NCK2: variants seen among roughly 807,000 people sequenced by gnomAD.
NCK2 encodes NCK adaptor protein 2, also known as cytoplasmic protein NCK2.
Under a neutral mutation model 33.9 loss-of-function variants are expected in NCK2, and 16 were observed. That is an observed-to-expected ratio of 0.47 (90% CI 0.32 to 0.72). The LOEUF is 0.72. Ranked by LOEUF, NCK2 falls within the 30% of genes least tolerant of loss-of-function variation. The pLI, the probability that NCK2 is intolerant of heterozygous loss-of-function variation, is 0.03. For missense variants in NCK2, 418 were observed against 537.3 expected, an observed-to-expected ratio of 0.78 and a Z score of 2.19; for synonymous variants, 273 against 239.9, an observed-to-expected ratio of 1.14 and a Z score of -1.27.
chr2:105,839,722 G>A (rs1676564904), intron 2 of NCK2, among the ~76,000 whole-genome samples: 1 of 152,176 alleles, frequency 6.6e-6, no homozygotes, highest in African/African-American at 2.4e-5. Flanking sequence ...TGGCATTTGG[G>A]GATAGAGCAG....
intron 1 of NCK2, among the ~76,000 whole-genome samples, chr2:105,763,477 G>T (rs994508650): frequency 2.0e-5 from 3 of 152,110 alleles, no homozygotes; most frequent in Non-Finnish European, 4.4e-5. Context: ...AATATAGAAA[G>T]AATTTTATTT....
chr2:105,810,945 G>T (rs1001253450), intron 1 of NCK2, among the ~76,000 whole-genome samples: 2 of 152,126 alleles, frequency 1.3e-5, no homozygotes, highest in African/African-American at 4.8e-5. Flanking sequence ...GGAGGCCCAG[G>T]TGGGCGGATC....
chr2:105,848,267 A>G (rs1467556299), intron 2 of NCK2, among the ~76,000 whole-genome samples: 5 of 152,262 alleles, frequency 3.3e-5, no homozygotes, highest in African/African-American at 9.6e-5. Context: ...CCTTCCCCCA[A>G]AGTCACCCAG....
In NCK2 at chr2:105,855,171, G is replaced by C. The variant is rs1371960767; in HGVS notation, c.108G>C (p.Lys36Asn). ...NERLWLLDDS[K>N]TWWRVRNAAN... ...GGCTGTGGTTGCTGGACGACTCCAAGACGTGGTGGCGGGTGAGGAACGCGG... is the reference window on the plus strand; with the variant it reads ...GGCTGTGGTTGCTGGACGACTCCAACACGTGGTGGCGGGTGAGGAACGCGG... The change falls in exon 3 of 5, where the codon AAG (lysine) becomes AAC (asparagine). Residue 36 changes from lysine (K) to asparagine (N), a missense_variant. By Grantham distance (94) the Lys-to-Asn change is moderately conservative. Coordinates refer to ENST00000233154, the MANE Select transcript of NCK2 (RefSeq NM_003581.5). The C allele has an allele frequency of 1.2e-6, 2 of 1,614,092 alleles. No individual in the cohort carries two copies. The highest frequency in any genetic ancestry group is 2.2e-5 in the East Asian group (1 of 44,894).
chr2:105,817,728 G>GAT (rs1052474788), intron 2 of NCK2, among the ~76,000 whole-genome samples: 59 of 152,240 alleles, frequency 3.9e-4, no homozygotes, highest in African/African-American at 1.4e-3. Context: ...ACCACAATGA[G>GAT]ATACCATCTC....
chr2:105,881,065 G>A (rs1247045438), intron 3 of NCK2, among the ~76,000 whole-genome samples: 4 of 151,592 alleles, frequency 2.6e-5, no homozygotes, highest in Non-Finnish European at 5.9e-5. Context: ...GATTCCAGGC[G>A]TGAGCCACTG....
chr2:105,868,866 C>T (rs542993274), intron 3 of NCK2, among the ~76,000 whole-genome samples: 4 of 152,338 alleles, frequency 2.6e-5, no homozygotes, highest in East Asian at 1.9e-4. Context: ...GGCAGCCAAG[C>T]GACTTGGCCA....
chr2:105,801,418 CTT>C (rs79973949), intron 1 of NCK2, among the ~76,000 whole-genome samples: 3 of 145,434 alleles, frequency 2.1e-5, no homozygotes, highest in African/African-American at 5.0e-5. Context: ...GTGCTTTTTT[CTT>C]TTTTTTTTTT....
intron 3 of NCK2, among the ~76,000 whole-genome samples, chr2:105,864,622 T>A: frequency 6.6e-6 from 1 of 152,070 alleles, no homozygotes; most frequent in East Asian, 1.9e-4. Context: ...AATTTTCATT[T>A]TCAGATGTGT....
At chr2:105,863,613 G>T (rs1223854557) in intron 3 of NCK2, among the ~76,000 whole-genome samples, 2 of 152,068 alleles carry the variant, frequency 1.3e-5, no homozygotes, top group African/African-American at 4.8e-5. Context: ...AATATAATCG[G>T]GAAAATAATA....
chr2:105,879,078 T>C (rs1293790289), intron 3 of NCK2, among the ~76,000 whole-genome samples: 1 of 152,242 alleles, frequency 6.6e-6, no homozygotes, highest in Non-Finnish European at 1.5e-5. Context: ...CAAATGTCTT[T>C]TTTGCTGATC....
intron 3 of NCK2, among the ~76,000 whole-genome samples, chr2:105,876,563 T>A (rs1256862304): frequency 6.6e-6 from 1 of 152,236 alleles, no homozygotes; most frequent in Non-Finnish European, 1.5e-5. Context: ...TCTGGTTGGC[T>A]ATGGTTTCAT....
rs572948025 is a variant in NCK2 at position 105,765,791 on chromosome 2, G to A, written c.-201+20653G>A. Among the ~76,000 whole-genome samples the A allele has an allele frequency of 1.2e-4, 18 of 148,680 alleles. No homozygotes were observed. In the East Asian group the frequency reaches 3.3e-3, roughly 27 times the overall value. On this transcript the variant is annotated intron_variant, in intron 1 of 4. Coordinates refer to ENST00000233154, the MANE Select transcript of NCK2 (RefSeq NM_003581.5). ...AGATACAGCTTAGAATAGGGGGTGTGTGTGTGTGTGTGTGTGTGTGTGTGT... is the reference window on the plus strand; with the variant it reads ...AGATACAGCTTAGAATAGGGGGTGTATGTGTGTGTGTGTGTGTGTGTGTGT...
At chr2:105,835,112 G>C (rs961407724) in intron 2 of NCK2, among the ~76,000 whole-genome samples, 6 of 151,722 alleles carry the variant, frequency 4.0e-5, no homozygotes, top group Admixed American at 3.9e-4. Context: ...GTTTTCTTCA[G>C]TGGTAATATT....
rs115510359 is a variant in NCK2 at position 105,789,482 on chromosome 2, C to T, written c.-200-26948C>T. On this transcript the variant is annotated intron_variant, in intron 1 of 4. Coordinates refer to ENST00000233154, the MANE Select transcript of NCK2 (RefSeq NM_003581.5). Reference sequence around the variant, plus strand: ...GGGCTTACAGGCATGAGCCACCTTGCCTGGCCTCACAACCTTTTTTCAATG... The same window carrying T: ...GGGCTTACAGGCATGAGCCACCTTGTCTGGCCTCACAACCTTTTTTCAATG... Among the ~76,000 whole-genome samples the T allele has an allele frequency of 5.9e-3, 892 of 152,342 alleles. 3 individuals carry two copies. Among genetic ancestry groups the T allele is most frequent in the Non-Finnish European group, 8.5e-3 (581 of 68,034 alleles).
intron 1 of NCK2, among the ~76,000 whole-genome samples, chr2:105,755,390 G>A (rs1038942812): frequency 1.4e-5 from 2 of 144,846 alleles, no homozygotes; most frequent in Non-Finnish European, 3.0e-5. Flanking sequence ...GGTGTCTAGT[G>A]TTGAATTTGT....
At chr2:105,781,352 C>T (rs545319871) in intron 1 of NCK2, among the ~76,000 whole-genome samples, 4 of 152,296 alleles carry the variant, frequency 2.6e-5, no homozygotes, top group East Asian at 1.9e-4. Context: ...CTCCCATCTC[C>T]GCTTCCACCT....
At chr2:105,841,668 T>G (rs1676652499) in intron 2 of NCK2, among the ~76,000 whole-genome samples, 1 of 152,096 alleles carries the variant, frequency 6.6e-6, no homozygotes, top group South Asian at 2.1e-4. Context: ...TAATCCTGCC[T>G]TGGTCTTTCT....
At chr2:105,771,157 C>T (rs575289579) in intron 1 of NCK2, among the ~76,000 whole-genome samples, 107 of 152,112 alleles carry the variant, frequency 7.0e-4, no homozygotes, top group South Asian at 2.9e-3. Flanking sequence ...CTCCTGACCT[C>T]GTGATCCGCC....
Sources: allele counts gnomAD v4.1 joint callset (sites outside exome capture counted in the v4.1 genomes callset), GRCh38; gene constraint gnomAD v4.1.1; transcripts MANE v1.5; gene names NCBI Gene and HGNC (gene_info 2026-07-23, HGNC 2026-07-21).